Variants in HFM1 observed in about 807,000 individuals in gnomAD.
The protein encoded by HFM1 is probable ATP-dependent DNA helicase HFM1.
In HFM1, 169 loss-of-function variants were observed where a neutral mutation model predicts 192.1. The observed-to-expected ratio is 0.88, with a 90% CI of 0.78 to 1.00. The LOEUF (loss-of-function observed/expected upper bound fraction) is 1.00. HFM1 is among the 50% of genes least tolerant of loss of function. The probability of loss-of-function intolerance (pLI) is 0.00; values close to 1 mark genes in which losing one functional copy is unlikely to be tolerated. For synonymous variants in HFM1, 525 were observed against 537.8 expected (o/e 0.98, Z 0.33); for missense variants, 1,661 against 1,668.0 (o/e 1.00, Z 0.07).
chr1:91,378,470 T>C lies in HFM1; in HGVS notation c.1169A>G (p.Asp390Gly). The C allele has an allele frequency of 6.9e-6, 11 of 1,596,122 alleles. No homozygotes were observed. The highest frequency in any genetic ancestry group is 3.4e-5 in the Admixed American group (2 of 59,608). The change falls in exon 10 of 39, where the codon GAT becomes GGT. Residue 390 changes from aspartate (D) to glycine (G), a missense_variant. By Grantham distance (94) the Asp-to-Gly change is moderately conservative. Transcript: ENST00000370425. ...GTCTCTCCATTTCCTAGTCATGCTA[T>C]CCCATTTTTCCTAGAGAGAAAAAAA... ...HIIMTTPEKWDSMTRKWRDNS... is the reference protein window; with the variant it reads ...HIIMTTPEKWGSMTRKWRDNS...
In HFM1 at chr1:91,319,146, A is replaced by G; in HGVS notation, c.2744T>C (p.Leu915Ser). 2.5e-6 allele frequency: 4 copies of G among 1,610,728 alleles called. No homozygotes were observed. The highest frequency in any genetic ancestry group is 3.4e-6 in the Non-Finnish European group (4 of 1,178,888). Residue 915 changes from leucine (L) to serine (S), a missense_variant, in exon 25 of 39, where the codon TTA becomes TCA. Transcript: ENST00000370425. ...KFAVLLNSLI[L>S]AKCFRCKLWE... ...AAGTTTACACCTAAAACATTTAGCTAAAATCAAACTATTCAATAGTACAGC... is the reference window on the plus strand; with the variant it reads ...AAGTTTACACCTAAAACATTTAGCTGAAATCAAACTATTCAATAGTACAGC...
chr1:91,365,344 A>C (rs1289824242), intron 13 of HFM1, among the ~76,000 whole-genome samples: 1 of 152,092 alleles, frequency 6.6e-6, no homozygotes, highest in Non-Finnish European at 1.5e-5. Flanking sequence ...ATTCTTGTTA[A>C]GTAAGTAGAT....
chr1:91,360,473 A>G (rs1658349207), intron 13 of HFM1, among the ~76,000 whole-genome samples: 1 of 152,250 alleles, frequency 6.6e-6, no homozygotes, highest in South Asian at 2.1e-4. Flanking sequence ...TGGTAAAGGG[A>G]TCAATGCAAC....
intron 17 of HFM1, among the ~76,000 whole-genome samples, 177 bp downstream of exon 17, chr1:91,351,372 T>C (rs191955836): frequency 7.2e-5 from 11 of 152,060 alleles, no homozygotes; most frequent in African/African-American, 2.4e-4. Context: ...CTAGTACCTT[T>C]TAAAAAAATT....
intron 23 of HFM1, among the ~76,000 whole-genome samples, chr1:91,322,465 C>T (rs1230387712): frequency 6.6e-6 from 1 of 152,142 alleles, no homozygotes; most frequent in Non-Finnish European, 1.5e-5. Flanking sequence ...TCACAAGTTA[C>T]AGTGTAACCT....
chr1:91,273,665 A>T, intron 34 of HFM1, 47 bp downstream of exon 34: 1 of 952,700 alleles, frequency 1.0e-6, no homozygotes, highest in Non-Finnish European at 1.7e-6. Context: ...AATTCAAAGT[A>T]ATAATAAGCC....
rs377649110 is a variant in HFM1, at chr1:91,347,524, C to G, written c.2207-48G>C. On this transcript the variant is annotated intron_variant, in intron 18 of 38. Transcript: ENST00000370425. ...ATAGAATTTAGCTCATCTTTACAGGCTCAGTTTATACCCCAGTTAACTAGT... is the reference window on the plus strand; with the variant it reads ...ATAGAATTTAGCTCATCTTTACAGGGTCAGTTTATACCCCAGTTAACTAGT... 24 of 1,285,022 alleles carry G rather than the reference C, an allele frequency of 1.9e-5. 1 individual carries two copies. In the African/African-American group the frequency reaches 3.4e-4, roughly 18 times the overall value. 79.6% of individuals were successfully genotyped at this position (1,285,022 alleles called of 1,614,324 possible).
chr1:91,275,849 T>G (rs1226858774), intron 32 of HFM1, among the ~76,000 whole-genome samples: 1 of 152,180 alleles, frequency 6.6e-6, no homozygotes, highest in Non-Finnish European at 1.5e-5. Context: ...GCAGTCAGAG[T>G]GACTTTTACA....
chr1:91,292,587 C>A lies in HFM1; in HGVS notation c.3392-15525G>T, dbSNP rs534248083. Among the ~76,000 whole-genome samples, 47 of 152,042 alleles carry A rather than the reference C, an allele frequency of 3.1e-4. 1 individual carries two copies. The highest frequency in any genetic ancestry group is 1.1e-3 in the African/African-American group (45 of 41,458). ...CAAATGGAAGAACATTCCATGCTCA[C>A]GGGTAGGAAGAATCAATATCATGAA... is the stretch of plus-strand genomic sequence containing the variant. On this transcript the variant is annotated intron_variant, in intron 30 of 38. Coordinates refer to ENST00000370425, the MANE Select transcript of HFM1 (RefSeq NM_001017975.6).
In HFM1 at chr1:91,375,560, T is replaced by C; in HGVS notation, c.1563A>G (p.Ile521Met). 11 of 1,613,506 alleles carry C rather than the reference T, an allele frequency of 6.8e-6. No homozygotes were observed. Among genetic ancestry groups the C allele is most frequent in the Non-Finnish European group, 9.3e-6 (11 of 1,179,606 alleles). ...TGGGTTTCTGATCAGAGTACATTTGTATAACACTGGCAATTTTGTAGTTGA... is the reference window on the plus strand; with the variant it reads ...TGGGTTTCTGATCAGAGTACATTTGCATAACACTGGCAATTTTGTAGTTGA... ...LTLNYKIASV[I>M]QMYSDQKPTL... The change falls in exon 12 of 39, where the codon ATA becomes ATG. Residue 521 changes from isoleucine to methionine, a missense_variant. Physicochemically the swap from Ile to Met is conservative, Grantham distance 10. Transcript: ENST00000370425.
chr1:91,365,559 T>C (rs893342091), intron 13 of HFM1, among the ~76,000 whole-genome samples: 12 of 152,096 alleles, frequency 7.9e-5, no homozygotes, highest in African/African-American at 2.7e-4. Flanking sequence ...AATTTGAAAA[T>C]GAATTCTGGG....
intron 34 of HFM1, among the ~76,000 whole-genome samples, chr1:91,273,203 CAT>C (rs1666477683): frequency 6.6e-6 from 1 of 151,840 alleles, no homozygotes; most frequent in Non-Finnish European, 1.5e-5. Context: ...CTCATACTAA[CAT>C]AGAATTGTAA....
chr1:91,365,715 T>C (rs1440948939), intron 13 of HFM1, among the ~76,000 whole-genome samples: 1 of 151,886 alleles, frequency 6.6e-6, no homozygotes, highest in Non-Finnish European at 1.5e-5. Flanking sequence ...GGATTCACAA[T>C]GGAATGAAGA....
intron 30 of HFM1, among the ~76,000 whole-genome samples, chr1:91,303,428 G>C (rs1649138569): frequency 6.6e-6 from 1 of 152,092 alleles, no homozygotes; most frequent in Non-Finnish European, 1.5e-5. Flanking sequence ...ATAGATATTT[G>C]GGTTGTTTCC....
chr1:91,367,192 C>G (rs1239582435), intron 13 of HFM1, among the ~76,000 whole-genome samples: 1 of 152,182 alleles, frequency 6.6e-6, no homozygotes, highest in African/African-American at 2.4e-5. Flanking sequence ...CAGGGCATAG[C>G]CAAACAAAAG....
Position 91,352,429 on chromosome 1 carries a change from A to C in HFM1, c.1977+77T>G, listed in dbSNP as rs1657065241. The C allele has an allele frequency of 2.8e-6, 3 of 1,078,352 alleles. No homozygotes were observed. The Admixed American group carries it at 7.2e-5, about 26-fold the overall frequency. The allele number at this position is 1,078,352 out of a possible 1,614,324, so 66.8% of individuals were successfully genotyped here. ...CTTTTAAGCCTGATACAATTATGACATGCTAATCAAAAAATACACAATTTT... is the reference window on the plus strand; with the variant it reads ...CTTTTAAGCCTGATACAATTATGACCTGCTAATCAAAAAATACACAATTTT... On this transcript the variant is annotated intron_variant, in intron 16 of 38. Transcript: ENST00000370425.
chr1:91,352,974 C>A (rs1041375274), intron 15 of HFM1, 77 bp downstream of exon 15: 4 of 890,694 alleles, frequency 4.5e-6, no homozygotes, highest in East Asian at 2.6e-5. Flanking sequence ...AGAACACTTG[C>A]GCTTTTTCCT....
In HFM1 at chr1:91,355,251, G is replaced by C. The variant is rs375640628; in HGVS notation, c.1686-1952C>G. 3.3e-5 allele frequency among the ~76,000 whole-genome samples: 5 copies of C among 152,046 alleles called. No homozygotes were observed. In the South Asian group the frequency reaches 1.0e-3, roughly 32 times the overall value. On this transcript the variant is annotated intron_variant, in intron 13 of 38. Coordinates refer to ENST00000370425, the MANE Select transcript of HFM1 (RefSeq NM_001017975.6). The stretch of plus-strand genomic sequence containing the variant: ...AAAGAGAAAGGAATCAAAGCTTAGC[G>C]CTACAGAAAAACAACAAATCACAAA...
chr1:91,264,101 T>C (rs891671076), intron 36 of HFM1, among the ~76,000 whole-genome samples: 1 of 152,064 alleles, frequency 6.6e-6, no homozygotes, highest in African/African-American at 2.4e-5. Context: ...TAAAAAGCTA[T>C]TCAGTGATTT....
Sources: gnomAD v4.1 joint callset for allele counts (sites outside exome capture counted in the v4.1 genomes callset) on GRCh38, gnomAD v4.1.1 for gene constraint, MANE v1.5 for transcripts, NCBI Gene and HGNC (gene_info 2026-07-23, HGNC 2026-07-21) for gene names.